Variants in LRRTM4 observed in about 807,000 individuals in gnomAD.
LRRTM4 encodes the protein leucine rich repeat transmembrane neuronal 4.
A neutral mutation model predicts 47.6 loss-of-function variants in LRRTM4; 25 were observed. The observed-to-expected ratio is 0.53, with a 90% CI of 0.38 to 0.73. LRRTM4 has a LOEUF of 0.73. Ranked by LOEUF, LRRTM4 falls within the 30% of genes least tolerant of loss-of-function variation. LRRTM4 has a pLI of 0.00. For synonymous variants in LRRTM4, 311 were observed against 269.5 expected, an observed-to-expected ratio of 1.15 and a Z score of -1.51; for missense variants, 638 against 713.4, an observed-to-expected ratio of 0.89 and a Z score of 1.20.
At chr2:76,955,619 C>A (rs10172013) in intron 3 of LRRTM4, among the ~76,000 whole-genome samples, 1 of 151,672 alleles carries the variant, frequency 6.6e-6, no homozygotes. Flanking sequence ...ATTCCCAATA[C>A]GATGCTATGT....
At chr2:76,825,024 C>T (rs187225755) in intron 3 of LRRTM4, among the ~76,000 whole-genome samples, 1 of 151,524 alleles carries the variant, frequency 6.6e-6, no homozygotes, top group African/African-American at 2.4e-5. Flanking sequence ...TTATAATGTT[C>T]TGGGCAACTT....
intron 3 of LRRTM4, among the ~76,000 whole-genome samples, chr2:76,864,780 G>A (rs1479120633): frequency 1.3e-5 from 2 of 151,416 alleles, no homozygotes; most frequent in African/African-American, 4.9e-5. Context: ...AGGCTGGAGT[G>A]CAGTGGGGCA....
At chr2:77,158,068 C>T (rs1002765057) in intron 3 of LRRTM4, among the ~76,000 whole-genome samples, 1 of 152,022 alleles carries the variant, frequency 6.6e-6, no homozygotes, top group East Asian at 1.9e-4. Context: ...AATAAAGAAA[C>T]ACAGGGGAAA....
chr2:76,955,607 C>T (rs772035554), intron 3 of LRRTM4, among the ~76,000 whole-genome samples: 1 of 151,742 alleles, frequency 6.6e-6, no homozygotes, highest in Non-Finnish European at 1.5e-5. Flanking sequence ...GTTGAGTTCT[C>T]AATTCCCAAT....
intron 3 of LRRTM4, among the ~76,000 whole-genome samples, chr2:77,365,615 G>A (rs966828562): frequency 1.3e-5 from 2 of 151,572 alleles, no homozygotes; most frequent in Non-Finnish European, 2.9e-5. Context: ...GTTAATATAT[G>A]CAAATAAAAT....
chr2:77,451,530 C>T (rs1676254016), intron 3 of LRRTM4, among the ~76,000 whole-genome samples: 1 of 152,108 alleles, frequency 6.6e-6, no homozygotes. Context: ...TGTGCTTGCT[C>T]ATTCTTTTAT....
chr2:76,930,702 G>A (rs17013370), intron 3 of LRRTM4, among the ~76,000 whole-genome samples: 5,938 of 152,178 alleles, frequency 0.039, 250 homozygotes, highest in East Asian at 0.13. Flanking sequence ...GAGGGCCAGA[G>A]TTAGAAGCCT....
chr2:77,421,001 CT>C (rs1207212120), intron 3 of LRRTM4, among the ~76,000 whole-genome samples: 1 of 150,422 alleles, frequency 6.6e-6, no homozygotes, highest in Non-Finnish European at 1.5e-5. Flanking sequence ...GGCCACAGGC[CT>C]GGGCAGAAAA....
chr2:76,967,222 T>C (rs1004910241), intron 3 of LRRTM4, among the ~76,000 whole-genome samples: 3 of 150,968 alleles, frequency 2.0e-5, no homozygotes, highest in Non-Finnish European at 4.4e-5. Flanking sequence ...AATGAGTACT[T>C]GTGGATTTAT....
intron 3 of LRRTM4, among the ~76,000 whole-genome samples, chr2:77,074,503 CCT>C: frequency 6.6e-6 from 1 of 152,024 alleles, no homozygotes; most frequent in Non-Finnish European, 1.5e-5. Flanking sequence ...ATTCAACACC[CCT>C]GTTATTAAGC....
At chr2:77,023,320 C>G (rs949628637) in intron 3 of LRRTM4, among the ~76,000 whole-genome samples, 3 of 152,134 alleles carry the variant, frequency 2.0e-5, no homozygotes, top group African/African-American at 4.8e-5. Context: ...GAGAGGCTGC[C>G]GCAAAGGTCT....
chr2:77,226,504 C>G (rs979407787), intron 3 of LRRTM4, among the ~76,000 whole-genome samples: 1 of 148,674 alleles, frequency 6.7e-6, no homozygotes, highest in Non-Finnish European at 1.5e-5. Context: ...TCATTATTTT[C>G]TACTGATGTG....
chr2:77,217,207 T>A (rs1674472757), intron 3 of LRRTM4, among the ~76,000 whole-genome samples: 1 of 151,448 alleles, frequency 6.6e-6, no homozygotes, highest in Admixed American at 6.6e-5. Flanking sequence ...CAACTATTGT[T>A]GACAACCATT....
At position 77,212,474 on chromosome 2, in the gene LRRTM4, T is replaced by TAG. The variant is rs35907246; in HGVS notation, c.1551+305842_1551+305843dup. Among the ~76,000 whole-genome samples, 656 of 136,914 alleles carry TAG rather than the reference T, an allele frequency of 4.8e-3. 4 individuals carry two copies. The highest frequency in any genetic ancestry group is 0.013 in the African/African-American group (476 of 36,888). 89.8% of individuals were successfully genotyped at this position (136,914 alleles called of 152,430 possible). ...TGGAATAATTATATATATATATATA[T>TAG]AGAGAGAGAGAGAGAGAGAGCGAGA... is the stretch of plus-strand genomic sequence containing the variant. On this transcript the variant is annotated intron_variant, in intron 3 of 3. Transcript: ENST00000409884.
At chr2:76,850,762 A>T (rs1176994771) in intron 3 of LRRTM4, among the ~76,000 whole-genome samples, 2 of 152,154 alleles carry the variant, frequency 1.3e-5, no homozygotes, top group African/African-American at 4.8e-5. Flanking sequence ...CCAATATAAT[A>T]TACAGAATTT....
chr2:77,286,314 A>G (rs1270797519), intron 3 of LRRTM4, among the ~76,000 whole-genome samples: 1 of 152,042 alleles, frequency 6.6e-6, no homozygotes, highest in Non-Finnish European at 1.5e-5. Flanking sequence ...CATACAATAT[A>G]ACATAGTCAA....
At chr2:76,829,360 C>G (rs747791008) in intron 3 of LRRTM4, among the ~76,000 whole-genome samples, 10 of 151,878 alleles carry the variant, frequency 6.6e-5, no homozygotes, top group African/African-American at 4.8e-5. Context: ...TCCATTTGTA[C>G]TCTTGTTCTA....
At chr2:77,217,440 A>AATATATATATAT (rs34070418) in intron 3 of LRRTM4, among the ~76,000 whole-genome samples, 3,227 of 76,604 alleles carry the variant, frequency 0.042, 248 homozygotes, top group African/African-American at 0.075. Flanking sequence ...CTCCAAATGA[A>AATATATATATAT]ATATATATAT....
intron 3 of LRRTM4, among the ~76,000 whole-genome samples, chr2:77,313,580 C>G (rs1178910272): frequency 2.6e-5 from 4 of 152,130 alleles, no homozygotes; most frequent in Non-Finnish European, 5.9e-5. Context: ...TCCCAGCACC[C>G]CTGAGCACCC....
Sources: allele counts gnomAD v4.1 joint callset (sites outside exome capture counted in the v4.1 genomes callset), GRCh38; gene constraint gnomAD v4.1.1; transcripts MANE v1.5; gene names NCBI Gene and HGNC (gene_info 2026-07-23, HGNC 2026-07-21).